Variants in ITPR2 observed in about 807,000 individuals in gnomAD.
The protein encoded by ITPR2 is inositol 1,4,5-trisphosphate-gated calcium channel ITPR2.
ITPR2 carries 207 observed loss-of-function variants against 317.1 expected under a neutral mutation model. The observed-to-expected ratio is 0.65, with a 90% CI of 0.58 to 0.73. The LOEUF (loss-of-function observed/expected upper bound fraction) is 0.73, where lower values mean the gene tolerates loss of function less well. ITPR2 is among the 30% of genes least tolerant of loss of function. The pLI, the probability that ITPR2 is intolerant of heterozygous loss-of-function variation, is 0.00. For missense variants in ITPR2, 2,613 were observed against 3,284.0 expected, an observed-to-expected ratio of 0.80 and a Z score of 4.99; for synonymous variants, 1,156 against 1,149.1, an observed-to-expected ratio of 1.01 and a Z score of -0.12.
intron 15 of ITPR2, among the ~76,000 whole-genome samples, chr12:26,661,274 G>A (rs868776761): frequency 5.1e-4 from 18 of 35,394 alleles, no homozygotes; most frequent in African/African-American, 2.3e-3. Flanking sequence ...GGGTGTGTGT[G>A]TGGGGGGGGG....
In ITPR2 at chr12:26,476,929, T is replaced by A. The variant is rs200060623; in HGVS notation, c.6202A>T (p.Met2068Leu). ...TTTCTTACCAGTTCTCTGGGTCTCATGTTAAAAAGAATTCTTTCTGCATTC... is the reference window on the plus strand; with the variant it reads ...TTTCTTACCAGTTCTCTGGGTCTCAAGTTAAAAAGAATTCTTTCTGCATTC... ...SENAERILFN[M>L]RPRELVDVMK... is the part of the protein sequence containing the mutation. The change falls in exon 44 of 57, where the codon ATG becomes TTG. Residue 2068 changes from methionine to leucine, a missense_variant. Transcript: ENST00000381340. The A allele has an allele frequency of 5.6e-6, 9 of 1,612,594 alleles. No individual in the cohort carries two copies. The highest frequency in any genetic ancestry group is 7.6e-6 in the Non-Finnish European group (9 of 1,178,738).
intron 1 of ITPR2, among the ~76,000 whole-genome samples, chr12:26,806,697 T>C (rs1565780269): frequency 6.6e-6 from 1 of 152,188 alleles, no homozygotes; most frequent in African/African-American, 2.4e-5. Flanking sequence ...CTTGCCACCA[T>C]GCCTGGGTAA....
chr12:26,761,560 G>A (rs1949633785), intron 2 of ITPR2, among the ~76,000 whole-genome samples: 1 of 152,230 alleles, frequency 6.6e-6, no homozygotes, highest in Non-Finnish European at 1.5e-5. Context: ...TTTGGAAGTG[G>A]AGGTGAGAGA....
chr12:26,634,627 T>C (rs1946825496), intron 21 of ITPR2, among the ~76,000 whole-genome samples: 1 of 152,144 alleles, frequency 6.6e-6, no homozygotes, highest in African/African-American at 2.4e-5. Flanking sequence ...GGCTCATGCC[T>C]GTAATCCTAG....
chr12:26,558,461 C>T (rs1368293317), intron 35 of ITPR2, among the ~76,000 whole-genome samples: 2 of 152,168 alleles, frequency 1.3e-5, no homozygotes, highest in Non-Finnish European at 1.5e-5. Flanking sequence ...CATATAAATG[C>T]TAGTAATCTT....
chr12:26,481,280 C>T, intron 42 of ITPR2, 39 bp from the exon 43 acceptor site: 1 of 1,189,094 alleles, frequency 8.4e-7, no homozygotes, highest in South Asian at 1.3e-5. Context: ...ATTTTATTCA[C>T]AACAGAATAG....
Position 26,428,043 on chromosome 12 carries a change from G to T in ITPR2, c.6815C>A (p.Ala2272Glu), listed in dbSNP as rs754109103. Residue 2272 changes from alanine (A) to glutamate (E), a missense_variant, in exon 49 of 57, where the codon GCG becomes GAG. Ala to Glu is a moderately radical substitution (Grantham distance 107). Transcript: ENST00000381340. ...LFSVLLWIAV[A>E]ICTSMLFFFS... ...GAAAAACAGCATAGATGTGCAGATC[G>T]CAACTGCTATCCAAAGAAGAACCGA... 4 of 1,610,230 alleles carry T rather than the reference G, an allele frequency of 2.5e-6. No individual in the cohort carries two copies. Among genetic ancestry groups the T allele is most frequent in the Non-Finnish European group, 3.4e-6 (4 of 1,178,408 alleles).
intron 49 of ITPR2, 40 bp downstream of exon 49, chr12:26,427,873 A>T (rs1406767963): frequency 1.5e-6 from 2 of 1,310,798 alleles, no homozygotes; most frequent in East Asian, 5.4e-5. Context: ...ACACTTTTAA[A>T]CTAATTCTGT....
intron 37 of ITPR2, among the ~76,000 whole-genome samples, chr12:26,547,261 C>A (rs547975352): frequency 2.4e-4 from 36 of 152,196 alleles, no homozygotes; most frequent in African/African-American, 8.4e-4. Flanking sequence ...AGATATTTCT[C>A]AAAGGAAGAC....
chr12:26,772,491 C>CATGTATTATATATATAATACATTATTAT (rs3064583), intron 2 of ITPR2, among the ~76,000 whole-genome samples: 7,385 of 97,284 alleles, frequency 0.076, 589 homozygotes, highest in Non-Finnish European at 0.13. Context: ...ATATATAATA[C>CATGTATTATATATATAATACATTATTAT]ATATAATACA....
At chr12:26,403,856 C>G (rs1940258813) in intron 52 of ITPR2, among the ~76,000 whole-genome samples, 1 of 152,080 alleles carries the variant, frequency 6.6e-6, no homozygotes, top group Admixed American at 6.6e-5. Context: ...GTACGATGAA[C>G]AGCAAATAAA....
At chr12:26,428,197 TA>T (rs777739284) in intron 48 of ITPR2, 109 bp from the exon 49 acceptor site, 3 of 746,606 alleles carry the variant, frequency 4.0e-6, no homozygotes, top group Non-Finnish European at 5.9e-6. Context: ...CATAATCCAG[TA>T]AATTTCAAAA....
intron 9 of ITPR2, among the ~76,000 whole-genome samples, chr12:26,696,169 G>A (rs1318588697): frequency 3.9e-5 from 6 of 152,166 alleles, no homozygotes; most frequent in African/African-American, 1.4e-4. Context: ...GGCTTGGAGA[G>A]TGGCATTTTG....
intron 37 of ITPR2, among the ~76,000 whole-genome samples, chr12:26,522,864 A>G (rs1943700382): frequency 6.6e-6 from 1 of 152,204 alleles, no homozygotes. Context: ...CCACAACAAC[A>G]CCGGTTTTGC....
At chr12:26,366,532 C>T (rs1459988479) in intron 55 of ITPR2, among the ~76,000 whole-genome samples, 3 of 152,104 alleles carry the variant, frequency 2.0e-5, no homozygotes, top group African/African-American at 7.2e-5. Context: ...CCAAGTTCTT[C>T]GCCACTGTTG....
At chr12:26,673,936 C>G in intron 13 of ITPR2, among the ~76,000 whole-genome samples, 3 of 114,050 alleles carry the variant, frequency 2.6e-5, no homozygotes, top group Non-Finnish European at 5.5e-5. Flanking sequence ...GAGTGAACTC[C>G]CATTCACAAT....
At chr12:26,477,135 C>A in intron 43 of ITPR2, 128 bp from the exon 44 acceptor site, 1 of 582,980 alleles carries the variant, frequency 1.7e-6, no homozygotes, top group Non-Finnish European at 3.0e-6. Flanking sequence ...CTGCTAATTT[C>A]ATTTGTCTTG....
intron 2 of ITPR2, among the ~76,000 whole-genome samples, chr12:26,740,293 A>C (rs1003436261): frequency 6.6e-6 from 1 of 152,260 alleles, no homozygotes; most frequent in Admixed American, 6.5e-5. Context: ...ACTACTGAGC[A>C]TTGAGATGAA....
At chr12:26,491,678 A>G (rs1345077785) in intron 39 of ITPR2, among the ~76,000 whole-genome samples, 1 of 143,512 alleles carries the variant, frequency 7.0e-6, no homozygotes, top group Non-Finnish European at 1.5e-5. Context: ...GAGGGATATT[A>G]AGGGGGCAGA....
Sources: gnomAD v4.1 joint callset for allele counts (sites outside exome capture counted in the v4.1 genomes callset) on GRCh38, gnomAD v4.1.1 for gene constraint, MANE v1.5 for transcripts, NCBI Gene and HGNC (gene_info 2026-07-23, HGNC 2026-07-21) for gene names.